PDILT: variants seen among roughly 807,000 people sequenced by gnomAD.
PDILT encodes protein disulfide isomerase like, testis expressed.
PDILT carries 43 observed loss-of-function variants against 53.7 expected under a neutral mutation model. The ratio of observed to expected loss-of-function variants is 0.80; its 90% confidence interval spans 0.63 to 1.03. The LOEUF (loss-of-function observed/expected upper bound fraction) is 1.03. PDILT is among the 50% of genes least tolerant of loss of function. The pLI is 0.00. For missense variants in PDILT, 727 were observed against 712.3 expected, an observed-to-expected ratio of 1.02 and a Z score of -0.24; for synonymous variants, 282 against 274.2, an observed-to-expected ratio of 1.03 and a Z score of -0.28.
At chr16:20,368,734 T>C (rs1966256561) in intron 8 of PDILT, among the ~76,000 whole-genome samples, 1 of 152,080 alleles carries the variant, frequency 6.6e-6, no homozygotes, top group Non-Finnish European at 1.5e-5. Flanking sequence ...TAGCTGAGAC[T>C]ACAGATGCAC....
intron 2 of PDILT, among the ~76,000 whole-genome samples, chr16:20,396,110 A>C (rs1966659876): frequency 6.6e-6 from 1 of 152,230 alleles, no homozygotes; most frequent in Non-Finnish European, 1.5e-5. Flanking sequence ...GTAAGGGAGA[A>C]TGGGAACTCA....
In PDILT at chr16:20,374,900, T is replaced by C. The variant is rs762960341; in HGVS notation, c.603A>G (p.Leu201=). The part of the protein sequence containing the change: ...FYDVIKDFPE[L]TFGVITIGNV... ...TGCCAATCGTTATGACTCCAAACGT[T>C]AGCTCTGGAAAGTCTTTGATCACAT... Residue 201 remains leucine, a synonymous_variant, in exon 5 of 12, where the codon CTA becomes CTG. Coordinates refer to ENST00000302451, the MANE Select transcript of PDILT (RefSeq NM_174924.2). 20 of 1,614,116 alleles carry C rather than the reference T, an allele frequency of 1.2e-5. No homozygotes were observed. Among genetic ancestry groups the C allele is most frequent in the Non-Finnish European group, 1.7e-5 (20 of 1,179,972 alleles).
intron 7 of PDILT, among the ~76,000 whole-genome samples, chr16:20,370,468 A>T (rs1270521672): frequency 6.6e-6 from 1 of 152,220 alleles, no homozygotes; most frequent in East Asian, 1.9e-4. Context: ...GACATAGTTG[A>T]TAGTAACAAG....
At chr16:20,400,050 C>A (rs60278388) in intron 1 of PDILT, among the ~76,000 whole-genome samples, 11,603 of 122,350 alleles carry the variant, frequency 0.095, 836 homozygotes, top group African/African-American at 0.26. Flanking sequence ...ATCTATCTAT[C>A]TATCTATATA....
chr16:20,378,506 A>G (rs1966417624), intron 3 of PDILT, among the ~76,000 whole-genome samples: 1 of 152,040 alleles, frequency 6.6e-6, no homozygotes, highest in Admixed American at 6.5e-5. Context: ...GGTCTGTTAC[A>G]TAGGTATACA....
chr16:20,389,926 A>G (rs1966588195), intron 2 of PDILT, among the ~76,000 whole-genome samples: 3 of 152,074 alleles, frequency 2.0e-5, no homozygotes, highest in Admixed American at 2.0e-4. Flanking sequence ...CACAGTTGGA[A>G]AAAGAGATGC....
rs186123815 is a variant in PDILT, at chr16:20,401,785, G to A, written c.-7-2478C>T. ...CTGAGCCTCTGAGCAAAAGCCAGGCGGGAGGAGCTACAGTGGGCTCCCTCT... is the reference window on the plus strand; with the variant it reads ...CTGAGCCTCTGAGCAAAAGCCAGGCAGGAGGAGCTACAGTGGGCTCCCTCT... On this transcript the variant is annotated intron_variant, in intron 1 of 11. Transcript: ENST00000302451. Among the ~76,000 whole-genome samples, 5 of 152,340 alleles carry A rather than the reference G, an allele frequency of 3.3e-5. No individual in the cohort carries two copies. The East Asian group carries it at 5.8e-4, about 18-fold the overall frequency.
At chr16:20,366,321 C>A (rs1005512932) in intron 8 of PDILT, among the ~76,000 whole-genome samples, 1 of 152,060 alleles carries the variant, frequency 6.6e-6, no homozygotes, top group African/African-American at 2.4e-5. Context: ...ACAGGCCTCC[C>A]CACTCCTGAT....
rs1167168073 is a variant in PDILT, at chr16:20,362,594, G to A, written c.1238-12C>T. ...AGACCAGGGTGCATCTGGAAGAGAA[G>A]GTCCATGGCTCAGGCTCACATTGAT... On this transcript the variant is annotated splice_polypyrimidine_tract_variant and intron_variant, in intron 9 of 11. Transcript: ENST00000302451. 2 of 1,613,750 alleles carry A rather than the reference G, an allele frequency of 1.2e-6. No individual in the cohort carries two copies. Among genetic ancestry groups the A allele is most frequent in the South Asian group, 1.1e-5 (1 of 91,026 alleles).
intron 7 of PDILT, 61 bp from the exon 8 acceptor site, chr16:20,369,750 G>C: frequency 6.5e-7 from 1 of 1,549,288 alleles, no homozygotes; most frequent in East Asian, 2.2e-5. Flanking sequence ...AAAAACTGCT[G>C]AAAGGCTGTG....
intron 1 of PDILT, among the ~76,000 whole-genome samples, chr16:20,401,538 G>C (rs1026467290): frequency 1.3e-5 from 2 of 152,096 alleles, no homozygotes; most frequent in East Asian, 3.9e-4. Flanking sequence ...AACCTCCTCG[G>C]TGCCCAGAAT....
At chr16:20,363,473 GTA>G (rs1042945197) in intron 9 of PDILT, among the ~76,000 whole-genome samples, 128 of 27,886 alleles carry the variant, frequency 4.6e-3, no homozygotes, top group African/African-American at 6.7e-3. Flanking sequence ...TTGTGTATGT[GTA>G]TGTGTGTGTG....
intron 10 of PDILT, among the ~76,000 whole-genome samples, chr16:20,361,772 T>C (rs556404214): frequency 6.6e-6 from 1 of 152,308 alleles, no homozygotes; most frequent in South Asian, 2.1e-4. Flanking sequence ...CCCACCATTC[T>C]GCAGAGTCCT....
Position 20,374,966 on chromosome 16 carries a change from G to T in PDILT, c.544-7C>A. Reference sequence around the variant, plus strand: ...CTACTTCTTCCTCTAAATCCTATTTGGGAAAGGATGTTTGGAAAGGCTTTG... The same window carrying T: ...CTACTTCTTCCTCTAAATCCTATTTTGGAAAGGATGTTTGGAAAGGCTTTG... On this transcript the variant is annotated splice_region_variant and splice_polypyrimidine_tract_variant and intron_variant, in intron 4 of 11. Coordinates refer to ENST00000302451, the MANE Select transcript of PDILT (RefSeq NM_174924.2). 2 of 1,598,856 alleles carry T rather than the reference G, an allele frequency of 1.3e-6. No individual in the cohort carries two copies. Among genetic ancestry groups the T allele is most frequent in the Non-Finnish European group, 1.7e-6 (2 of 1,170,634 alleles).
chr16:20,395,599 C>T (rs1966652708), intron 2 of PDILT, among the ~76,000 whole-genome samples: 1 of 152,162 alleles, frequency 6.6e-6, no homozygotes, highest in Non-Finnish European at 1.5e-5. Context: ...AGTAAGCCAC[C>T]TGCTATAGTT....
chr16:20,385,233 G>A (rs955952297), intron 2 of PDILT, among the ~76,000 whole-genome samples: 3 of 152,110 alleles, frequency 2.0e-5, no homozygotes, highest in Admixed American at 6.5e-5. Flanking sequence ...AGAGTTTTAC[G>A]TGCATTAAGC....
intron 3 of PDILT, among the ~76,000 whole-genome samples, chr16:20,378,621 C>T (rs1348043607): frequency 6.6e-6 from 1 of 152,140 alleles, no homozygotes; most frequent in Non-Finnish European, 1.5e-5. Flanking sequence ...GCCCTCCACT[C>T]CCAGACAGGC....
rs1567324002 is a variant in PDILT, at chr16:20,374,822, C to T, written c.681G>A (p.Lys227=). 1 of 1,610,724 alleles carries T rather than the reference C, an allele frequency of 6.2e-7. No homozygotes were observed. The highest frequency in any genetic ancestry group is 8.5e-7 in the Non-Finnish European group (1 of 1,178,740). The change falls in exon 5 of 12, where the codon AAG becomes AAA. Residue 227 remains lysine (K), a splice_region_variant and synonymous_variant. Transcript: ENST00000302451. ...VTLDSVLVFK[K]GKIVNRQKLI... The stretch of plus-strand genomic sequence containing the variant: ...ACTAGCAATAGGATCAAAATCCTAC[C>T]TTTTTGAACACCAGGACGCTGTCAA...
intron 2 of PDILT, among the ~76,000 whole-genome samples, chr16:20,396,580 C>CG (rs893130654): frequency 2.0e-5 from 3 of 152,202 alleles, no homozygotes; most frequent in African/African-American, 4.8e-5. Context: ...CTCGTGCACT[C>CG]AAAGACATGA....
Sources: allele counts gnomAD v4.1 joint callset (sites outside exome capture counted in the v4.1 genomes callset), GRCh38; gene constraint gnomAD v4.1.1; transcripts MANE v1.5; gene names NCBI Gene and HGNC (gene_info 2026-07-23, HGNC 2026-07-21).